The following PLEK2 variants were observed in gnomAD, a reference collection of about 807,000 sequenced individuals.
PLEK2 encodes the protein pleckstrin 2.
Under a neutral mutation model 43.8 loss-of-function variants are expected in PLEK2, and 29 were observed. The observed-to-expected ratio is 0.66, with a 90% CI of 0.49 to 0.90. The LOEUF (loss-of-function observed/expected upper bound fraction) is 0.90, where lower values mean the gene tolerates loss of function less well. Among genes scored for constraint, PLEK2 ranks in the 40% least tolerant of loss-of-function variants. PLEK2 has a pLI of 0.00. For missense variants in PLEK2, 398 were observed against 448.1 expected (o/e 0.89, Z 1.01); for synonymous variants, 162 against 173.2 (o/e 0.94, Z 0.51).
At chr14:67,391,271 A>ATGTGTGTGTGTGTGTGTGTG (rs61156733) in intron 6 of PLEK2, among the ~76,000 whole-genome samples, 1 of 143,800 alleles carries the variant, frequency 7.0e-6, no homozygotes, top group African/African-American at 2.6e-5. Flanking sequence ...AGCAGCTGAT[A>ATGTGTGTGTGTGTGTGTGTG]TGTGTGTGTG....
At chr14:67,410,974 T>G (rs1456712229) in intron 1 of PLEK2, among the ~76,000 whole-genome samples, 1 of 151,840 alleles carries the variant, frequency 6.6e-6, no homozygotes, top group Middle Eastern at 3.2e-3. Context: ...GGCGAAACCC[T>G]GTCTCCACAA....
intron 8 of PLEK2, 67 bp from the exon 9 acceptor site, chr14:67,387,523 G>A (rs769733191): frequency 2.6e-6 from 4 of 1,522,222 alleles, no homozygotes; most frequent in Non-Finnish European, 3.6e-6. Flanking sequence ...TCTTGAACCA[G>A]CAGAAAGTCA....
chr14:67,408,462 A>C (rs1354755174), intron 1 of PLEK2, among the ~76,000 whole-genome samples: 3 of 152,218 alleles, frequency 2.0e-5, no homozygotes, highest in African/African-American at 7.2e-5. Context: ...GTGTGATGTT[A>C]TTTGAAAATA....
intron 3 of PLEK2, among the ~76,000 whole-genome samples, chr14:67,394,060 G>A (rs901916051): frequency 2.0e-4 from 31 of 152,114 alleles, no homozygotes; most frequent in African/African-American, 7.5e-4. Context: ...CCCCTTGCAG[G>A]TAGGTTTGTT....
chr14:67,391,448 C>T (rs2085967477), intron 6 of PLEK2, among the ~76,000 whole-genome samples: 1 of 151,942 alleles, frequency 6.6e-6, no homozygotes, highest in Non-Finnish European at 1.5e-5. Flanking sequence ...GGAAGGACTC[C>T]TATCAGGCCC....
rs940822560 is a variant in PLEK2 at position 67,392,743 on chromosome 14, C to A, written c.588G>T (p.Val196=). The A allele has an allele frequency of 8.1e-6, 13 of 1,614,064 alleles. No individual in the cohort carries two copies. In the African/African-American group the frequency reaches 1.2e-4, roughly 15 times the overall value. The change falls in exon 5 of 9, where the codon GTG becomes GTT. Residue 196 remains valine, a synonymous_variant. Coordinates refer to ENST00000216446, the MANE Select transcript of PLEK2 (RefSeq NM_016445.3). The stretch of plus-strand genomic sequence containing the variant: ...GAATGGCTCCCATGCTTCGGACACC[C>A]ACAGGCCTGAGGAAGTTCTCCTCCA... ...MLMEENFLRP[V]GVRSMGAIRS...
chr14:67,404,833 AGTATTTCTAATACTTAT>A (rs1259778459), intron 1 of PLEK2, among the ~76,000 whole-genome samples: 1 of 152,074 alleles, frequency 6.6e-6, no homozygotes, highest in Non-Finnish European at 1.5e-5. Flanking sequence ...ATAGTACATA[AGTATTTCTAATACTTAT>A]GTATTTCTTG....
intron 1 of PLEK2, among the ~76,000 whole-genome samples, chr14:67,411,312 C>T (rs890973450): frequency 6.6e-6 from 1 of 152,072 alleles, no homozygotes; most frequent in African/African-American, 2.4e-5. Context: ...GAGGGGAGGT[C>T]AGAACATGCA....
At chr14:67,403,705 T>G (rs1211853475) in intron 1 of PLEK2, among the ~76,000 whole-genome samples, 1 of 152,208 alleles carries the variant, frequency 6.6e-6, no homozygotes, top group Non-Finnish European at 1.5e-5. Context: ...ATGAAAATGT[T>G]CAAATCCTTT....
At chr14:67,398,143 T>C in intron 1 of PLEK2, 1 of 225,908 alleles carries the variant, frequency 4.4e-6, no homozygotes, top group Non-Finnish European at 8.6e-6. Context: ...TTCCTTCCGG[T>C]CTTTTTTCCT....
At chr14:67,398,292 T>TCC (rs1206222124) in intron 1 of PLEK2, among the ~76,000 whole-genome samples, 37 of 152,168 alleles carry the variant, frequency 2.4e-4, no homozygotes, top group African/African-American at 8.4e-4. Context: ...TGGCATGACC[T>TCC]CAGCTCACTG....
At chr14:67,395,342 C>G in intron 3 of PLEK2, 60 bp downstream of exon 3, 1 of 1,521,336 alleles carries the variant, frequency 6.6e-7, no homozygotes, top group East Asian at 2.3e-5. Context: ...GGCAGGGTCC[C>G]CTGCCCACCC....
intron 1 of PLEK2, among the ~76,000 whole-genome samples, chr14:67,410,607 C>A (rs954103164): frequency 1.3e-5 from 2 of 152,172 alleles, no homozygotes; most frequent in Admixed American, 1.3e-4. Flanking sequence ...AAACAGCCAC[C>A]GCTCTCCTGT....
intron 6 of PLEK2, 83 bp downstream of exon 6, chr14:67,392,243 C>T (rs987242687): frequency 3.2e-6 from 3 of 940,666 alleles, no homozygotes; most frequent in Non-Finnish European, 5.3e-6. Flanking sequence ...GCAGCCTCAG[C>T]CCTTCCCTTC....
At chr14:67,391,231 A>G (rs1001253457) in intron 6 of PLEK2, among the ~76,000 whole-genome samples, 3 of 151,628 alleles carry the variant, frequency 2.0e-5, no homozygotes, top group African/African-American at 7.3e-5. Context: ...GCAAGAAACG[A>G]TCAATTATAT....
chr14:67,410,212 T>C (rs1000555041), intron 1 of PLEK2, among the ~76,000 whole-genome samples: 1 of 151,988 alleles, frequency 6.6e-6, no homozygotes, highest in Non-Finnish European at 1.5e-5. Context: ...ACTCTCAGCA[T>C]GGTGGGGGTG....
intron 6 of PLEK2, 50 bp downstream of exon 6, chr14:67,392,276 C>T (rs1349853499): frequency 1.6e-6 from 2 of 1,225,574 alleles, no homozygotes; most frequent in Admixed American, 1.7e-5. Context: ...TGCTCCCTCC[C>T]CTAAGCTTGA....
At chr14:67,402,524 C>T (rs553183971) in intron 1 of PLEK2, among the ~76,000 whole-genome samples, 1 of 152,100 alleles carries the variant, frequency 6.6e-6, no homozygotes, top group African/African-American at 2.4e-5. Flanking sequence ...CTTTCTCATT[C>T]TTTCTAATTA....
intron 2 of PLEK2, 44 bp downstream of exon 2, chr14:67,397,618 G>C (rs765641813): frequency 2.2e-5 from 34 of 1,534,012 alleles, no homozygotes; most frequent in Non-Finnish European, 2.8e-5. Context: ...AGGTGGGAAG[G>C]CTGTGGAACA....
Sources: allele counts gnomAD v4.1 joint callset (sites outside exome capture counted in the v4.1 genomes callset), GRCh38; gene constraint gnomAD v4.1.1; transcripts MANE v1.5; gene names NCBI Gene and HGNC (gene_info 2026-07-23, HGNC 2026-07-21).